Variants in RALGPS2 observed in about 807,000 individuals in gnomAD.
RALGPS2 encodes the protein Ral GEF with PH domain and SH3 binding motif 2.
Under a neutral mutation model 86.8 loss-of-function variants are expected in RALGPS2, and 43 were observed. That is an observed-to-expected ratio of 0.50 (90% CI 0.39 to 0.64). RALGPS2 has a LOEUF of 0.64. RALGPS2 is among the 30% of genes least tolerant of loss of function. The pLI, the probability that RALGPS2 is intolerant of heterozygous loss-of-function variation, is 0.00. For synonymous variants in RALGPS2, 243 were observed against 231.3 expected, an observed-to-expected ratio of 1.05 and a Z score of -0.46; for missense variants, 536 against 694.6, an observed-to-expected ratio of 0.77 and a Z score of 2.57.
chr1:178,802,210 TAAAG>T (rs1274280018), intron 4 of RALGPS2, among the ~76,000 whole-genome samples: 1 of 152,026 alleles, frequency 6.6e-6, no homozygotes, highest in Admixed American at 6.6e-5. Context: ...AATATATTCT[TAAAG>T]TAAGCTAGAA....
intron 8 of RALGPS2, among the ~76,000 whole-genome samples, chr1:178,852,241 C>G (rs1228548548): frequency 1.3e-5 from 2 of 152,120 alleles, no homozygotes; most frequent in Admixed American, 1.3e-4. Flanking sequence ...TTTCTATTTT[C>G]TTACTCAGTT....
At chr1:178,848,032 G>C (rs915856552) in intron 8 of RALGPS2, among the ~76,000 whole-genome samples, 1 of 152,154 alleles carries the variant, frequency 6.6e-6, no homozygotes, top group Non-Finnish European at 1.5e-5. Flanking sequence ...TTCTTGACTG[G>C]ACACAGTGGC....
chr1:178,736,372 G>A (rs1313797835), intron 1 of RALGPS2, among the ~76,000 whole-genome samples: 2 of 151,866 alleles, frequency 1.3e-5, no homozygotes, highest in African/African-American at 2.4e-5. Flanking sequence ...ATGTTGGCCA[G>A]GCTGGTCTTG....
chr1:178,828,610 G>T lies in RALGPS2; in HGVS notation c.481-4814G>T, dbSNP rs532187904. ...CAACCCAATTAAAAAATGGGCAAAGGATCTGAATAGACATTTCTCAAAAGA... is the reference window on the plus strand; with the variant it reads ...CAACCCAATTAAAAAATGGGCAAAGTATCTGAATAGACATTTCTCAAAAGA... On this transcript the variant is annotated intron_variant, in intron 7 of 19. Transcript: ENST00000367635. Among the ~76,000 whole-genome samples, 5 of 152,258 alleles carry T rather than the reference G, an allele frequency of 3.3e-5. No individual in the cohort carries two copies. The South Asian group carries it at 6.2e-4, about 19-fold the overall frequency.
intron 12 of RALGPS2, 157 bp downstream of exon 12, chr1:178,885,368 G>A: frequency 4.3e-6 from 3 of 697,298 alleles, no homozygotes; most frequent in Non-Finnish European, 6.7e-6. Flanking sequence ...TTGCCTAAAA[G>A]CTTTTATTTC....
intron 4 of RALGPS2, among the ~76,000 whole-genome samples, chr1:178,799,291 G>A (rs536900969): frequency 6.6e-6 from 1 of 151,988 alleles, no homozygotes; most frequent in East Asian, 1.9e-4. Context: ...CGTCTGCCTC[G>A]GCTTCCCAAA....
At chr1:178,747,355 G>C (rs1355612075) in intron 1 of RALGPS2, 2 of 1,533,452 alleles carry the variant, frequency 1.3e-6, no homozygotes, top group Non-Finnish European at 1.8e-6. Flanking sequence ...CACCACTATT[G>C]ATATTTTCTA....
Position 178,765,533 on chromosome 1 carries a change from G to A in RALGPS2, c.-83-11149G>A, listed in dbSNP as rs572015028. ...CAGGGTGAGATCACAGGAACGGAGC[G>A]AAATTAAAATTGTTAATGAAGTTTC... On this transcript the variant is annotated intron_variant, in intron 1 of 19. Transcript: ENST00000367635. Among the ~76,000 whole-genome samples the A allele has an allele frequency of 7.9e-5, 12 of 152,246 alleles. No individual in the cohort carries two copies. In the South Asian group the frequency reaches 1.2e-3, roughly 16 times the overall value.
intron 8 of RALGPS2, 99 bp downstream of exon 8, chr1:178,833,649 T>G: frequency 1.4e-6 from 2 of 1,451,292 alleles, no homozygotes; most frequent in Non-Finnish European, 1.8e-6. Flanking sequence ...GTTTGTATCT[T>G]TTAAATAAAT....
At chr1:178,859,632 G>A (rs1331975910) in intron 8 of RALGPS2, among the ~76,000 whole-genome samples, 1 of 150,556 alleles carries the variant, frequency 6.6e-6, no homozygotes, top group Non-Finnish European at 1.5e-5. Flanking sequence ...ACACATAAAG[G>A]GAAGTGTACA....
chr1:178,731,272 G>GTTTTTTTTTTTTTTTTTTTTTTTTTTT, intron 1 of RALGPS2, among the ~76,000 whole-genome samples: 1 of 57,968 alleles, frequency 1.7e-5, no homozygotes, highest in African/African-American at 6.7e-5. Context: ...AGTTGTTTTG[G>GTTTTTTTTTTTTTTTTTTTTTTTTTTT]TTTTTTTTTT....
At chr1:178,872,756 A>T (rs530702572) in intron 8 of RALGPS2, among the ~76,000 whole-genome samples, 125 of 152,326 alleles carry the variant, frequency 8.2e-4, no homozygotes, top group African/African-American at 2.8e-3. Flanking sequence ...GAGCTTTCTA[A>T]CTTGAGCACT....
intron 19 of RALGPS2, among the ~76,000 whole-genome samples, chr1:178,911,810 GT>G (rs1429637321): frequency 6.6e-6 from 1 of 152,160 alleles, no homozygotes; most frequent in African/African-American, 2.4e-5. Flanking sequence ...TATCAGTGGG[GT>G]GTTGAAGTCT....
At chr1:178,853,773 A>G in intron 8 of RALGPS2, 1 of 1,603,852 alleles carries the variant, frequency 6.2e-7, no homozygotes, top group Non-Finnish European at 8.5e-7. Context: ...GCTTGCTGAC[A>G]GTCTTTGAAT....
At chr1:178,768,792 G>C (rs1044445349) in intron 1 of RALGPS2, among the ~76,000 whole-genome samples, 1 of 152,224 alleles carries the variant, frequency 6.6e-6, no homozygotes, top group African/African-American at 2.4e-5. Context: ...CAGACGCCCA[G>C]AAGTGTGTCC....
intron 6 of RALGPS2, among the ~76,000 whole-genome samples, chr1:178,817,178 C>T (rs1006102005): frequency 9.3e-5 from 14 of 151,248 alleles, no homozygotes; most frequent in Non-Finnish European, 1.3e-4. Flanking sequence ...TGGCCAAACT[C>T]TACTAAAAAA....
At chr1:178,824,009 A>G (rs544133832) in intron 7 of RALGPS2, among the ~76,000 whole-genome samples, 4 of 152,272 alleles carry the variant, frequency 2.6e-5, no homozygotes, top group Admixed American at 6.5e-5. Flanking sequence ...ATGAGGAGAA[A>G]TCAACAAAGG....
At chr1:178,863,196 A>G (rs1245048782) in intron 8 of RALGPS2, among the ~76,000 whole-genome samples, 1 of 152,178 alleles carries the variant, frequency 6.6e-6, no homozygotes, top group East Asian at 1.9e-4. Flanking sequence ...GGACATGCAC[A>G]CAAGAGACCA....
At chr1:178,759,866 T>C (rs1198791153) in intron 1 of RALGPS2, among the ~76,000 whole-genome samples, 1 of 152,194 alleles carries the variant, frequency 6.6e-6, no homozygotes, top group Non-Finnish European at 1.5e-5. Flanking sequence ...GGATTACTTT[T>C]TAAAATTGCT....
Sources: allele counts gnomAD v4.1 joint callset (sites outside exome capture counted in the v4.1 genomes callset), GRCh38; gene constraint gnomAD v4.1.1; transcripts MANE v1.5; gene names NCBI Gene and HGNC (gene_info 2026-07-23, HGNC 2026-07-21).